The following SAMD8 variants were observed in gnomAD, a reference collection of about 807,000 sequenced individuals.
SAMD8 encodes the protein sterile alpha motif domain containing 8.
A neutral mutation model predicts 42.0 loss-of-function variants in SAMD8; 20 were observed. The observed-to-expected ratio is 0.48, with a 90% CI of 0.34 to 0.69. The LOEUF (loss-of-function observed/expected upper bound fraction) is 0.69, where lower values mean the gene tolerates loss of function less well. Among genes scored for constraint, SAMD8 ranks in the 30% least tolerant of loss-of-function variants. The pLI, the probability that SAMD8 is intolerant of heterozygous loss-of-function variation, is 0.01. For synonymous variants in SAMD8, 162 were observed against 173.0 expected (o/e 0.94, Z 0.50); for missense variants, 328 against 511.6 (o/e 0.64, Z 3.46).
At chr10:75,108,083 C>A, upstream of SAMD8, 1 of 1,613,894 alleles carries the variant, frequency 6.2e-7, no homozygotes, top group African/African-American at 1.3e-5. Context: ...GGGCTGGCAC[C>A]CCCAGGTAGC....
chr10:75,176,832 A>G lies in SAMD8; in HGVS notation c.*140A>G, dbSNP rs1405190803. Reference sequence around the variant, plus strand: ...AAAGTTTTCTGTTCTGAGCAAAGTTATGATTATAAAAAGCAAGAAAGAACA... The same window carrying G: ...AAAGTTTTCTGTTCTGAGCAAAGTTGTGATTATAAAAAGCAAGAAAGAACA... On this transcript the variant is annotated 3_prime_UTR_variant, in exon 6 of 6. Coordinates refer to ENST00000542569, the MANE Select transcript of SAMD8 (RefSeq NM_001174156.2). The surrounding 1 kb of genome is among the most constrained non-coding windows in gnomAD (Gnocchi z 4.3). 7 of 638,080 alleles carry G rather than the reference A, an allele frequency of 1.1e-5. No homozygotes were observed. Among genetic ancestry groups the G allele is most frequent in the African/African-American group, 1.8e-5 (1 of 54,486 alleles). The allele number at this position is 638,080 out of a possible 1,614,324, so 39.5% of individuals were successfully genotyped here. A position where few individuals can be genotyped will look rare whatever the true frequency, so the allele number is the denominator to read the frequency against.
chr10:75,100,010 C>G (rs1420279093), intron 1 of SAMD8, among the ~76,000 whole-genome samples: 1 of 152,132 alleles, frequency 6.6e-6, no homozygotes, highest in Non-Finnish European at 1.5e-5. Flanking sequence ...CCACACTGGT[C>G]TGGAGCCATC....
intron 4 of SAMD8, among the ~76,000 whole-genome samples, chr10:75,170,136 T>A (rs1287139162): frequency 6.6e-6 from 1 of 152,232 alleles, no homozygotes; most frequent in Admixed American, 6.5e-5. Flanking sequence ...GTACTTTATA[T>A]ACAAAATTGG....
chr10:75,168,097 A>G (rs1429238156), intron 3 of SAMD8, among the ~76,000 whole-genome samples: 1 of 152,020 alleles, frequency 6.6e-6, no homozygotes, highest in African/African-American at 2.4e-5. Context: ...CCCGGGTTCA[A>G]GTGATTCTCC....
intron 1 of SAMD8, among the ~76,000 whole-genome samples, chr10:75,138,958 C>CTTTTTTTT (rs201911661): frequency 1.5e-5 from 2 of 133,310 alleles, no homozygotes; most frequent in African/African-American, 2.8e-5. Context: ...GTGGTTTTTT[C>CTTTTTTTT]TTTTTTTTTT....
intron 3 of SAMD8, among the ~76,000 whole-genome samples, chr10:75,167,803 A>C (rs1376605121): frequency 6.6e-6 from 1 of 151,860 alleles, no homozygotes; most frequent in African/African-American, 2.4e-5. Flanking sequence ...ATGTTGCCCA[A>C]GCTGTTGTCA....
intron 1 of SAMD8, 84 bp from the exon 2 acceptor site, chr10:75,150,430 G>A: frequency 6.7e-7 from 1 of 1,490,928 alleles, no homozygotes; most frequent in Non-Finnish European, 8.9e-7. Flanking sequence ...GCCTGTTTCT[G>A]GTGTATTTAT....
In SAMD8 at chr10:75,129,244, T is replaced by G. The variant is rs549698877; in HGVS notation, c.-16+17522T>G. Among the ~76,000 whole-genome samples the G allele has an allele frequency of 6.6e-5, 10 of 151,988 alleles. No individual in the cohort carries two copies. The South Asian group carries it at 2.1e-3, about 32-fold the overall frequency. On this transcript the variant is annotated intron_variant, in intron 1 of 5. Coordinates refer to ENST00000542569, the MANE Select transcript of SAMD8 (RefSeq NM_001174156.2). ...CAAGTGACTCTTTTGGACTTCTGGG[T>G]TTTTTTGTTTGTTTTGAGATGGAGT...
rs185383439 is a variant in SAMD8 at position 75,151,590 on chromosome 10, G to A, written c.578+484G>A. On this transcript the variant is annotated intron_variant, in intron 2 of 5. Transcript: ENST00000542569. ...GCTGGGTGAACTCCTAGGCTGAAACGATCCTCCCACCTTGGCCTCTTAAAG... is the reference window on the plus strand; with the variant it reads ...GCTGGGTGAACTCCTAGGCTGAAACAATCCTCCCACCTTGGCCTCTTAAAG... Among the ~76,000 whole-genome samples, 52 of 152,252 alleles carry A rather than the reference G, an allele frequency of 3.4e-4. No individual in the cohort carries two copies. The East Asian group carries it at 9.3e-3, about 27-fold the overall frequency.
chr10:75,174,106 G>T (rs1417933818), intron 4 of SAMD8, among the ~76,000 whole-genome samples: 1 of 151,978 alleles, frequency 6.6e-6, no homozygotes, highest in Non-Finnish European at 1.5e-5. Flanking sequence ...TTTGTGTGTG[G>T]TTTTTGTTGT....
At chr10:75,118,382 C>T (rs910184226) in intron 1 of SAMD8, among the ~76,000 whole-genome samples, 5 of 152,226 alleles carry the variant, frequency 3.3e-5, no homozygotes, top group East Asian at 1.9e-4. Context: ...CAGTGGCTTG[C>T]GCCTGTAATC....
chr10:75,151,436 C>T (rs1290994979), intron 2 of SAMD8, among the ~76,000 whole-genome samples: 4 of 151,790 alleles, frequency 2.6e-5, no homozygotes, highest in Non-Finnish European at 5.9e-5. Flanking sequence ...TCACTGCAGT[C>T]TCAACCTCCC....
At chr10:75,125,025 G>A (rs1642800830) in intron 1 of SAMD8, among the ~76,000 whole-genome samples, 1 of 151,944 alleles carries the variant, frequency 6.6e-6, no homozygotes, top group Non-Finnish European at 1.5e-5. Flanking sequence ...GGCCTCAAGT[G>A]ATCCTCCCGC....
chr10:75,151,641 C>T (rs1197557361), intron 2 of SAMD8, among the ~76,000 whole-genome samples: 1 of 152,162 alleles, frequency 6.6e-6, no homozygotes, highest in Non-Finnish European at 1.5e-5. Flanking sequence ...CATGAGCCAT[C>T]ATGGCCTGGA....
upstream of SAMD8, chr10:75,107,864 A>T: frequency 5.1e-6 from 6 of 1,168,228 alleles, no homozygotes; most frequent in Non-Finnish European, 7.2e-6. Context: ...AGCATGAGCC[A>T]CCACACACGG....
rs892904606 is a variant in SAMD8, at chr10:75,181,290, A to C, written c.*4598A>C. On this transcript the variant is annotated 3_prime_UTR_variant, in exon 6 of 6. Transcript: ENST00000542569. ...CTGCTGTAGAGGAGAATTGTTAGTA[A>C]CATCAAAGGTCAGAATGCTTCAGGT... The C allele has an allele frequency of 2.0e-5, 3 of 152,218 alleles. No individual in the cohort carries two copies. Among genetic ancestry groups the C allele is most frequent in the Non-Finnish European group, 4.4e-5 (3 of 68,040 alleles). The allele number at this position is 152,218 out of a possible 1,614,324, so 9.4% of individuals were successfully genotyped here.
intron 1 of SAMD8, 106 bp downstream of exon 1, chr10:75,111,828 C>T (rs909817668): frequency 8.3e-7 from 1 of 1,211,978 alleles, no homozygotes; most frequent in Admixed American, 4.2e-5. Context: ...GGACCGCGAC[C>T]TGGAGGGGCC....
chr10:75,112,803 A>C (rs551257616), intron 1 of SAMD8, among the ~76,000 whole-genome samples: 1 of 152,354 alleles, frequency 6.6e-6, no homozygotes, highest in East Asian at 1.9e-4. Context: ...GATTTTACAG[A>C]TACTCAACAT....
chr10:75,109,436 G>T (rs977781621), upstream of SAMD8, among the ~76,000 whole-genome samples: 2 of 152,180 alleles, frequency 1.3e-5, no homozygotes, highest in African/African-American at 4.8e-5. Flanking sequence ...CTACCTCAGA[G>T]AATTTGAGGA....
Sources: allele counts gnomAD v4.1 joint callset (sites outside exome capture counted in the v4.1 genomes callset), GRCh38; gene constraint gnomAD v4.1.1; non-coding constraint Gnocchi (gnomAD v3.1); transcripts MANE v1.5; gene names NCBI Gene and HGNC (gene_info 2026-07-23, HGNC 2026-07-21).